The following CNOT11 variants were observed in gnomAD, a reference collection of about 807,000 sequenced individuals.
CNOT11 encodes CCR4-NOT transcription complex subunit 11, also known as UPF0760 protein C2orf29.
Under a neutral mutation model 44.6 loss-of-function variants are expected in CNOT11, and 18 were observed. The ratio of observed to expected loss-of-function variants is 0.40; its 90% CI spans 0.28 to 0.60. The LOEUF is 0.60. Among genes scored for constraint, CNOT11 ranks in the 20% least tolerant of loss-of-function variants. The pLI is 0.38. For synonymous variants in CNOT11, 291 were observed against 270.9 expected (o/e 1.07, Z -0.73); for missense variants, 513 against 677.0 (o/e 0.76, Z 2.69).
chr2:101,268,591 G>C (rs1381466536), intron 5 of CNOT11, among the ~76,000 whole-genome samples: 2 of 152,084 alleles, frequency 1.3e-5, no homozygotes, highest in African/African-American at 4.8e-5. Flanking sequence ...AAAGTTTTGA[G>C]GTCTGTTAAG....
chr2:101,256,134 C>T (rs1681730989), intron 1 of CNOT11, among the ~76,000 whole-genome samples: 1 of 113,766 alleles, frequency 8.8e-6, no homozygotes, highest in Non-Finnish European at 1.8e-5. Flanking sequence ...GTGAGACTGC[C>T]TCAAAAAAAA....
At position 101,253,010 on chromosome 2, in the gene CNOT11, G is replaced by C; in HGVS notation, c.46G>C (p.Ala16Pro). Residue 16 changes from alanine (A) to proline (P), a missense_variant, in exon 1 of 7, where the codon GCC (alanine) becomes CCC (proline). This residue lies in a region of CNOT11 where 259 missense variants were observed against 265.7 expected (regional missense o/e 0.97). Transcript: ENST00000289382. The surrounding 1 kb of genome is among the most constrained non-coding windows in gnomAD (Gnocchi z 4.3). ...CGCGGCGTCTGGCCGGCTTCTCACC[G>C]CCGCGGAGCAAAGAGGGTCCCGGGA... ...ASAASGRLLT[A>P]AEQRGSREAA... 6.7e-7 allele frequency: 1 copy of C among 1,501,382 alleles called. No individual in the cohort carries two copies. The highest frequency in any genetic ancestry group is 8.8e-7 in the Non-Finnish European group (1 of 1,132,224). The allele number at this position is 1,501,382 out of a possible 1,614,324, so 93.0% of individuals were successfully genotyped here.
Position 101,270,165 on chromosome 2 carries a change from A to G in CNOT11, c.*752A>G. 1 of 151,240 alleles carries G rather than the reference A, an allele frequency of 6.6e-6. No individual in the cohort carries two copies. The highest frequency in any genetic ancestry group is 1.5e-5 in the Non-Finnish European group (1 of 67,720). 9.4% of individuals were successfully genotyped at this position (151,240 alleles called of 1,614,324 possible). A position where few individuals can be genotyped will look rare whatever the true frequency, so the allele number is the denominator to read the frequency against. On this transcript the variant is annotated 3_prime_UTR_variant, in exon 7 of 7. Coordinates refer to ENST00000289382, the MANE Select transcript of CNOT11 (RefSeq NM_017546.5). The stretch of plus-strand genomic sequence containing the variant: ...GAAAAATATCAGTCAGTGCTCCGGG[A>G]GGTAATTTCCTGTGGGGTCTGCACC...
intron 3 of CNOT11, among the ~76,000 whole-genome samples, chr2:101,263,723 A>G (rs1681918328): frequency 6.6e-6 from 1 of 152,212 alleles, no homozygotes; most frequent in Non-Finnish European, 1.5e-5. Context: ...TAATATTTGA[A>G]GTTTCTGCTG....
At chr2:101,267,863 T>G (rs1218024023) in intron 5 of CNOT11, among the ~76,000 whole-genome samples, 1 of 152,210 alleles carries the variant, frequency 6.6e-6, no homozygotes, top group Non-Finnish European at 1.5e-5. Flanking sequence ...ATAAATTATA[T>G]GGTCCTCCTG....
chr2:101,254,750 G>T (rs560857552), intron 1 of CNOT11, among the ~76,000 whole-genome samples: 1 of 152,210 alleles, frequency 6.6e-6, no homozygotes, highest in East Asian at 1.9e-4. Context: ...TAAAAAATTT[G>T]CTGGGCATGG....
At chr2:101,268,832 G>T (rs950735367) in intron 5 of CNOT11, among the ~76,000 whole-genome samples, 1 of 152,188 alleles carries the variant, frequency 6.6e-6, no homozygotes, top group Non-Finnish European at 1.5e-5. Flanking sequence ...ATATGTAAAT[G>T]TAAGTAGAGA....
Position 101,253,066 on chromosome 2 carries a change from C to T in CNOT11, c.102C>T (p.Phe34=), listed in dbSNP as rs1425759592. 7.3e-6 allele frequency: 11 copies of T among 1,516,232 alleles called. No individual in the cohort carries two copies. The highest frequency in any genetic ancestry group is 4.3e-5 in the African/African-American group (3 of 69,012). The allele number at this position is 1,516,232 out of a possible 1,614,324, so 93.9% of individuals were successfully genotyped here. Residue 34 remains phenylalanine (F), a synonymous_variant, in exon 1 of 7, where the codon TTC becomes TTT. Transcript: ENST00000289382. The surrounding 1 kb of genome is among the most constrained non-coding windows in gnomAD (Gnocchi z 4.3). The part of the protein sequence containing the change: ...EAAGSASRSG[F]GGSGGGRGGA... ...CAGGGTCGGCGTCCAGGAGCGGCTT[C>T]GGGGGCTCCGGCGGCGGCAGAGGCG... is the stretch of plus-strand genomic sequence containing the variant.
intron 2 of CNOT11, among the ~76,000 whole-genome samples, chr2:101,261,179 G>A (rs747293247): frequency 6.6e-5 from 10 of 152,156 alleles, no homozygotes; most frequent in Non-Finnish European, 1.5e-4. Flanking sequence ...TATTTTCAGG[G>A]CCTACAGGCT....
At chr2:101,262,376 C>CT in intron 2 of CNOT11, 163 bp from the exon 3 acceptor site, 1 of 587,504 alleles carries the variant, frequency 1.7e-6, no homozygotes, top group Non-Finnish European at 3.0e-6. Context: ...TTCAACAACG[C>CT]TAAGTGAGGA....
intron 1 of CNOT11, among the ~76,000 whole-genome samples, chr2:101,255,220 G>A (rs1489749336): frequency 6.6e-6 from 1 of 152,078 alleles, no homozygotes; most frequent in South Asian, 2.1e-4. Context: ...AGTGGGCTGG[G>A]CGCGGTGGCT....
At chr2:101,254,064 ATG>A (rs1020862326) in intron 1 of CNOT11, among the ~76,000 whole-genome samples, 1 of 152,220 alleles carries the variant, frequency 6.6e-6, no homozygotes. Flanking sequence ...ATTATGTAAA[ATG>A]TATTTACTAT....
rs981556525 is a variant in CNOT11, at chr2:101,266,743, C to G, written c.1102C>G (p.Pro368Ala). 4.3e-6 allele frequency: 7 copies of G among 1,614,046 alleles called. No homozygotes were observed. The African/African-American group carries it at 6.7e-5, about 15-fold the overall frequency. Residue 368 changes from proline to alanine, a missense_variant, in exon 5 of 7, where the codon CCT becomes GCT. By Grantham distance (27) the Pro-to-Ala change is conservative. Around this residue, in one of 4 missense-constraint regions of CNOT11, gnomAD observed 87 missense variants for 185.4 expected, o/e 0.47. Transcript: ENST00000289382. ...YHIGLTPAKLPDLVENNPLVA... is the reference protein window; with the variant it reads ...YHIGLTPAKLADLVENNPLVA... ...TATTGGCCTCACCCCAGCCAAACTT[C>G]CTGACCTTGTGGAAAACAACCCTTT...
At chr2:101,261,149 A>G (rs571223912) in intron 2 of CNOT11, among the ~76,000 whole-genome samples, 67 of 152,350 alleles carry the variant, frequency 4.4e-4, no homozygotes, top group Non-Finnish European at 8.1e-4. Flanking sequence ...GCAACCTGCC[A>G]TCCAAGTTAA....
chr2:101,259,288 G>A lies in CNOT11; in HGVS notation c.679+1333G>A, dbSNP rs569901375. Reference sequence around the variant, plus strand: ...GTACCACACTGTTTTGATTACTGTAGCTTTGTACTAAGTTTTGAAATCGGG... The same window carrying A: ...GTACCACACTGTTTTGATTACTGTAACTTTGTACTAAGTTTTGAAATCGGG... On this transcript the variant is annotated intron_variant, in intron 2 of 6. Coordinates refer to ENST00000289382, the MANE Select transcript of CNOT11 (RefSeq NM_017546.5). 5.3e-5 allele frequency among the ~76,000 whole-genome samples: 8 copies of A among 152,306 alleles called. No individual in the cohort carries two copies. In the East Asian group the frequency reaches 1.5e-3, roughly 29 times the overall value.
chr2:101,254,075 A>G (rs1341207107), intron 1 of CNOT11, among the ~76,000 whole-genome samples: 2 of 152,150 alleles, frequency 1.3e-5, no homozygotes, highest in African/African-American at 4.8e-5. Context: ...TGTATTTACT[A>G]TTGTGTGGCA....
Position 101,259,466 on chromosome 2 carries a change from C to G in CNOT11, c.679+1511C>G, listed in dbSNP as rs577543281. 3.5e-4 allele frequency among the ~76,000 whole-genome samples: 53 copies of G among 152,286 alleles called. 1 individual carries two copies. The East Asian group carries it at 9.7e-3, about 28-fold the overall frequency. ...GAGAACTGGTGGTCAGAGAGAGGCT[C>G]TCTGAGTTCTGAAGGAGTAGAGGAG... On this transcript the variant is annotated intron_variant, in intron 2 of 6. Transcript: ENST00000289382.
chr2:101,264,002 G>A (rs1339645237), intron 3 of CNOT11, among the ~76,000 whole-genome samples: 6 of 152,188 alleles, frequency 3.9e-5, no homozygotes. Context: ...AAGTGAAGAG[G>A]CAGTGGAGAT....
Position 101,265,045 on chromosome 2 carries a change from C to T in CNOT11, c.1033C>T (p.Gln345Ter). ...CCCCTTATCCTCTCCCCAACAAACA[C>T]AGGTGTGTATTGATTGTAAGCATTT... Reference protein sequence around the residue: ...KSPLSSPQQTQLLGELEKDPK... With the variant: ...KSPLSSPQQT The change falls in exon 4 of 7, where the codon CAG (glutamine) becomes TAG (stop). Residue 345 changes from glutamine (Q) to a stop codon, truncating the protein, a stop_gained and splice_region_variant. Transcript: ENST00000289382. LOFTEE classifies it high-confidence loss of function. 1 of 1,605,886 alleles carries T rather than the reference C, an allele frequency of 6.2e-7. No homozygotes were observed. Among genetic ancestry groups the T allele is most frequent in the Non-Finnish European group, 8.5e-7 (1 of 1,172,962 alleles).
Sources: gnomAD v4.1 joint callset for allele counts (sites outside exome capture counted in the v4.1 genomes callset) on GRCh38, gnomAD v4.1.1 for gene constraint, gnomAD v4.1.1 regional missense constraint, Gnocchi (gnomAD v3.1) non-coding constraint, MANE v1.5 for transcripts, NCBI Gene and HGNC (gene_info 2026-07-23, HGNC 2026-07-21) for gene names.